L3MBTL4: variants seen among roughly 807,000 people sequenced by gnomAD.
L3MBTL4 encodes L3MBTL histone methyl-lysine binding protein 4.
L3MBTL4 carries 70 observed loss-of-function variants against 84.5 expected under a neutral mutation model. The observed-to-expected ratio is 0.83, with a 90% CI of 0.68 to 1.01. The LOEUF (loss-of-function observed/expected upper bound fraction) is 1.01, where lower values mean the gene tolerates loss of function less well. Among genes scored for constraint, L3MBTL4 ranks in the 50% least tolerant of loss-of-function variants. The probability of loss-of-function intolerance (pLI) is 0.00; values close to 1 mark genes in which losing one functional copy is unlikely to be tolerated. For synonymous variants in L3MBTL4, 274 were observed against 259.8 expected (o/e 1.05, Z -0.52); for missense variants, 715 against 754.8 (o/e 0.95, Z 0.62).
chr18:5,965,969 C>G (rs2052334250), intron 17 of L3MBTL4, among the ~76,000 whole-genome samples: 1 of 152,166 alleles, frequency 6.6e-6, no homozygotes, highest in Non-Finnish European at 1.5e-5. Context: ...TATTTTAAAT[C>G]TAGAAAAGCT....
At chr18:5,986,161 C>T (rs610823) in intron 16 of L3MBTL4, among the ~76,000 whole-genome samples, 32,374 of 152,088 alleles carry the variant, frequency 0.21, 6,096 homozygotes, top group African/African-American at 0.5. Flanking sequence ...TGACTTGTTC[C>T]CCTGAGTCTC....
At chr18:6,059,513 T>C (rs1390918500) in intron 16 of L3MBTL4, among the ~76,000 whole-genome samples, 3 of 152,208 alleles carry the variant, frequency 2.0e-5, no homozygotes, top group Non-Finnish European at 4.4e-5. Flanking sequence ...ACTGGCTTTC[T>C]CATTTTCATG....
chr18:5,956,517 G>GCTACCGTC, intron 18 of L3MBTL4, 130 bp from the exon 19 acceptor site: 1 of 728,892 alleles, frequency 1.4e-6, no homozygotes, highest in Non-Finnish European at 2.3e-6. Flanking sequence ...ACCAGTGAGA[G>GCTACCGTC]AGAATGACGG....
intron 1 of L3MBTL4, among the ~76,000 whole-genome samples, chr18:6,413,099 A>G (rs1264048865): frequency 3.9e-5 from 6 of 152,102 alleles, no homozygotes; most frequent in Admixed American, 3.9e-4. Flanking sequence ...AAATAAAAAT[A>G]AAATGTTTAA....
At chr18:6,053,135 G>A (rs575888040) in intron 16 of L3MBTL4, among the ~76,000 whole-genome samples, 6 of 152,312 alleles carry the variant, frequency 3.9e-5, no homozygotes, top group African/African-American at 1.4e-4. Flanking sequence ...AATACACTAT[G>A]CTAAGACAGT....
At chr18:6,391,988 G>T (rs1303731702) in intron 1 of L3MBTL4, among the ~76,000 whole-genome samples, 1 of 152,076 alleles carries the variant, frequency 6.6e-6, no homozygotes, top group Admixed American at 6.6e-5. Context: ...AATAGAATTA[G>T]AACAATCCTA....
At chr18:6,037,278 T>C (rs2056187499) in intron 16 of L3MBTL4, among the ~76,000 whole-genome samples, 1 of 152,184 alleles carries the variant, frequency 6.6e-6, no homozygotes, top group Non-Finnish European at 1.5e-5. Context: ...TGTGCTAAGA[T>C]AAGAGGTGGA....
intron 1 of L3MBTL4, among the ~76,000 whole-genome samples, chr18:6,373,449 T>C (rs975273399): frequency 2.0e-5 from 3 of 152,174 alleles, no homozygotes; most frequent in Non-Finnish European, 4.4e-5. Context: ...GACTCCTCTC[T>C]AGCTGATCTG....
At chr18:6,133,051 C>A (rs1007253735) in intron 14 of L3MBTL4, among the ~76,000 whole-genome samples, 3 of 152,064 alleles carry the variant, frequency 2.0e-5, no homozygotes, top group African/African-American at 7.2e-5. Context: ...CGAACTTTGA[C>A]GATAATGATT....
intron 1 of L3MBTL4, among the ~76,000 whole-genome samples, chr18:6,370,161 ACTGAC>A (rs1418202609): frequency 6.7e-6 from 1 of 149,982 alleles, no homozygotes; most frequent in Admixed American, 6.6e-5. Context: ...AAAAGAAAGC[ACTGAC>A]CTGGCTTACT....
At chr18:6,239,297 C>T (rs1419828910) in intron 9 of L3MBTL4, among the ~76,000 whole-genome samples, 2 of 148,588 alleles carry the variant, frequency 1.3e-5, no homozygotes, top group South Asian at 4.3e-4. Context: ...GCCGAGATCC[C>T]GCCACTGCAC....
rs139010466 is a variant in L3MBTL4, at chr18:6,110,500, G to A, written c.1200-16972C>T. Among the ~76,000 whole-genome samples, 752 of 150,286 alleles carry A rather than the reference G, an allele frequency of 5.0e-3. 2 individuals are homozygous for A. The highest frequency in any genetic ancestry group is 7.6e-3 in the Non-Finnish European group (513 of 67,706). On this transcript the variant is annotated intron_variant, in intron 14 of 18. Coordinates refer to ENST00000317931, the MANE Select transcript of L3MBTL4 (RefSeq NM_001330559.2). ...GGTGGGTGGGTGTGTACATGTGGTT[G>A]TACACGTGTGCGGGGTGTGTGGCTG...
chr18:6,018,232 C>T (rs948806843), intron 16 of L3MBTL4, among the ~76,000 whole-genome samples: 1 of 152,002 alleles, frequency 6.6e-6, no homozygotes, highest in Admixed American at 6.6e-5. Flanking sequence ...CCGAGGCTGC[C>T]CACCCCAAGG....
At chr18:6,097,998 C>T (rs813553) in intron 14 of L3MBTL4, among the ~76,000 whole-genome samples, 1 of 152,196 alleles carries the variant, frequency 6.6e-6, no homozygotes, top group Admixed American at 6.5e-5. Flanking sequence ...TCCCTCCCTT[C>T]CTCTTGAACT....
chr18:6,341,700 G>A (rs530369478), intron 1 of L3MBTL4, among the ~76,000 whole-genome samples: 86 of 152,122 alleles, frequency 5.7e-4, no homozygotes, highest in Non-Finnish European at 9.3e-4. Flanking sequence ...AGAAAGAGAA[G>A]AGGGACAAAG....
chr18:6,114,174 T>C (rs1342906782), intron 14 of L3MBTL4, among the ~76,000 whole-genome samples: 1 of 152,210 alleles, frequency 6.6e-6, no homozygotes, highest in Non-Finnish European at 1.5e-5. Flanking sequence ...AGCATGCCCA[T>C]GCTCCTGTGT....
chr18:6,206,974 T>C (rs1027750067), intron 12 of L3MBTL4, among the ~76,000 whole-genome samples: 9 of 152,196 alleles, frequency 5.9e-5, no homozygotes, highest in African/African-American at 9.7e-5. Context: ...ACCAGTACAG[T>C]ATCTCTTAAG....
At chr18:6,158,759 C>T (rs369482766) in intron 13 of L3MBTL4, among the ~76,000 whole-genome samples, 2 of 152,200 alleles carry the variant, frequency 1.3e-5, no homozygotes, top group East Asian at 3.9e-4. Context: ...GAGCCCAAGG[C>T]TGTACTTCCA....
At chr18:6,209,445 CA>C (rs60613997) in intron 12 of L3MBTL4, among the ~76,000 whole-genome samples, 55,715 of 113,872 alleles carry the variant, frequency 0.49, 11,910 homozygotes, top group East Asian at 0.64. Flanking sequence ...ACTAAACTGG[CA>C]AAAAAAAAAA....
Sources: gnomAD v4.1 joint callset for allele counts (sites outside exome capture counted in the v4.1 genomes callset) on GRCh38, gnomAD v4.1.1 for gene constraint, MANE v1.5 for transcripts, NCBI Gene and HGNC (gene_info 2026-07-23, HGNC 2026-07-21) for gene names.